PLXNC1: variants seen among roughly 807,000 people sequenced by gnomAD.
The protein encoded by PLXNC1 is plexin C1.
PLXNC1 carries 75 observed loss-of-function variants against 178.2 expected under a neutral mutation model. The ratio of observed to expected loss-of-function variants is 0.42; its 90% CI spans 0.35 to 0.51. The LOEUF (loss-of-function observed/expected upper bound fraction) is 0.51, where lower values mean the gene tolerates loss of function less well. Among genes scored for constraint, PLXNC1 ranks in the 20% least tolerant of loss-of-function variants. The probability of loss-of-function intolerance (pLI) is 0.02; values close to 1 mark genes in which losing one functional copy is unlikely to be tolerated. For missense variants in PLXNC1, 1,503 were observed against 1,984.4 expected, an observed-to-expected ratio of 0.76 and a Z score of 4.61; for synonymous variants, 790 against 779.9, an observed-to-expected ratio of 1.01 and a Z score of -0.22.
chr12:94,264,882 G>A (rs930526566), intron 20 of PLXNC1, among the ~76,000 whole-genome samples, 197 bp from the exon 21 acceptor site: 3 of 152,220 alleles, frequency 2.0e-5, no homozygotes, highest in Admixed American at 2.0e-4. Flanking sequence ...ATGTGCATTC[G>A]CGATGGAGAG....
At chr12:94,185,733 C>T (rs1962484622) in intron 3 of PLXNC1, among the ~76,000 whole-genome samples, 1 of 152,222 alleles carries the variant, frequency 6.6e-6, no homozygotes, top group African/African-American at 2.4e-5. Context: ...GGGAGGGCCT[C>T]GTCCCTGGTC....
At chr12:94,285,767 C>G (rs1204880089) in intron 23 of PLXNC1, among the ~76,000 whole-genome samples, 1 of 152,150 alleles carries the variant, frequency 6.6e-6, no homozygotes, top group African/African-American at 2.4e-5. Flanking sequence ...TGCAAGCCAG[C>G]ACCTCTCCCT....
At chr12:94,283,910 G>A (rs985706848) in intron 23 of PLXNC1, among the ~76,000 whole-genome samples, 6 of 151,982 alleles carry the variant, frequency 3.9e-5, no homozygotes, top group Non-Finnish European at 8.8e-5. Context: ...ACGGTAAAAC[G>A]CTGTCTCTAA....
intron 6 of PLXNC1, among the ~76,000 whole-genome samples, chr12:94,222,613 T>A (rs1963827818): frequency 6.6e-6 from 1 of 152,196 alleles, no homozygotes. Flanking sequence ...TCACCTAAAT[T>A]ATTTTACCTC....
intron 9 of PLXNC1, among the ~76,000 whole-genome samples, chr12:94,230,437 A>G (rs1241294374): frequency 2.0e-5 from 3 of 152,198 alleles, no homozygotes; most frequent in Non-Finnish European, 4.4e-5. Flanking sequence ...GGGTCACCAC[A>G]AGAGAAGAAG....
At chr12:94,172,862 A>G (rs1266875711) in intron 2 of PLXNC1, among the ~76,000 whole-genome samples, 1 of 152,198 alleles carries the variant, frequency 6.6e-6, no homozygotes, top group Non-Finnish European at 1.5e-5. Flanking sequence ...CTGTGAAGAA[A>G]CTAAAGGCTA....
In PLXNC1 at chr12:94,233,468, C is replaced by T. The variant is rs866557643; in HGVS notation, c.1981-4196C>T. Among the ~76,000 whole-genome samples the T allele has an allele frequency of 4.2e-4, 64 of 152,280 alleles. 1 individual carries two copies. The highest frequency in any genetic ancestry group is 1.5e-3 in the African/African-American group (62 of 41,578). On this transcript the variant is annotated intron_variant, in intron 9 of 30. Coordinates refer to ENST00000258526, the MANE Select transcript of PLXNC1 (RefSeq NM_005761.3). ...ATGCCAAGAGGAATAGCAGGTTGTT[C>T]GGAGGGTGGGCTTGGCAGCCAAGTC...
Position 94,291,901 on chromosome 12 carries a change from C to T in PLXNC1, c.3880-2585C>T, listed in dbSNP as rs575593936. 2.0e-5 allele frequency among the ~76,000 whole-genome samples: 3 copies of T among 152,244 alleles called. No individual in the cohort carries two copies. In the East Asian group the frequency reaches 5.8e-4, roughly 29 times the overall value. On this transcript the variant is annotated intron_variant, in intron 23 of 30. Transcript: ENST00000258526. ...CAACAGGAACTTTTTCAGCCCTTGCCCCAGACCCATCCCCGCTTTTGGAGT... is the reference window on the plus strand; with the variant it reads ...CAACAGGAACTTTTTCAGCCCTTGCTCCAGACCCATCCCCGCTTTTGGAGT...
At chr12:94,293,280 C>T (rs1475512631) in intron 23 of PLXNC1, among the ~76,000 whole-genome samples, 1 of 152,188 alleles carries the variant, frequency 6.6e-6, no homozygotes, top group East Asian at 1.9e-4. Context: ...AAATCGCTCC[C>T]TATCAGGATT....
chr12:94,259,315 A>G, intron 17 of PLXNC1, 22 bp from the exon 18 acceptor site: 1 of 1,562,722 alleles, frequency 6.4e-7, no homozygotes, highest in Non-Finnish European at 8.7e-7. Flanking sequence ...TATGAATAAT[A>G]AAAGTGTCTC....
At chr12:94,187,903 G>A (rs1173895820) in intron 4 of PLXNC1, among the ~76,000 whole-genome samples, 2 of 151,766 alleles carry the variant, frequency 1.3e-5, no homozygotes, top group Non-Finnish European at 2.9e-5. Context: ...AGTGTTGATT[G>A]AGGAGAGAAG....
In PLXNC1 at chr12:94,218,946, AC is replaced by A. The variant is rs544615545; in HGVS notation, c.1555-1066del. ...CATCAAGGCACGCTGTCTTAAATGA[AC>A]CCCAGATCAAAGAGAAACAGATGAA... On this transcript the variant is annotated intron_variant, in intron 5 of 30. Coordinates refer to ENST00000258526, the MANE Select transcript of PLXNC1 (RefSeq NM_005761.3). 3.3e-5 allele frequency among the ~76,000 whole-genome samples: 5 copies of A among 152,302 alleles called. No individual in the cohort carries two copies. In the South Asian group the frequency reaches 1.0e-3, roughly 32 times the overall value.
At chr12:94,264,747 A>G (rs1173889471) in intron 20 of PLXNC1, among the ~76,000 whole-genome samples, 2 of 152,218 alleles carry the variant, frequency 1.3e-5, no homozygotes, top group Non-Finnish European at 2.9e-5. Flanking sequence ...TCCACATCTA[A>G]CTGTTCCTAG....
At chr12:94,279,743 G>C (rs774190320) in intron 22 of PLXNC1, 94 bp downstream of exon 22, 4 of 1,096,156 alleles carry the variant, frequency 3.6e-6, no homozygotes, top group Admixed American at 1.9e-5. Context: ...GCCCCCACCA[G>C]CTTCCATTCA....
At chr12:94,240,288 A>T (rs1964352785) in intron 10 of PLXNC1, among the ~76,000 whole-genome samples, 197 bp from the exon 11 acceptor site, 1 of 152,226 alleles carries the variant, frequency 6.6e-6, no homozygotes, top group African/African-American at 2.4e-5. Context: ...ATAAAAATGT[A>T]CTAAAGAAAG....
At chr12:94,301,633 T>G (rs1373901596) in intron 28 of PLXNC1, among the ~76,000 whole-genome samples, 1 of 152,264 alleles carries the variant, frequency 6.6e-6, no homozygotes, top group East Asian at 1.9e-4. Context: ...CTCCAAAATA[T>G]ACTAAACTGA....
At chr12:94,293,838 C>T (rs1435031182) in intron 23 of PLXNC1, among the ~76,000 whole-genome samples, 1 of 152,092 alleles carries the variant, frequency 6.6e-6, no homozygotes, top group Non-Finnish European at 1.5e-5. Context: ...CCAGGCTGGT[C>T]TCAAAACTCC....
intron 5 of PLXNC1, among the ~76,000 whole-genome samples, chr12:94,212,378 A>G (rs1459466001): frequency 6.6e-6 from 1 of 151,948 alleles, no homozygotes; most frequent in African/African-American, 2.4e-5. Context: ...CACAACGTGC[A>G]GTTTTGTTAC....
intron 23 of PLXNC1, among the ~76,000 whole-genome samples, chr12:94,293,463 C>G (rs996484551): frequency 4.6e-5 from 7 of 152,210 alleles, no homozygotes; most frequent in African/African-American, 1.7e-4. Flanking sequence ...GTGGCTTAAA[C>G]ATTTGTTCCT....
Sources: gnomAD v4.1 joint callset for allele counts (sites outside exome capture counted in the v4.1 genomes callset) on GRCh38, gnomAD v4.1.1 for gene constraint, MANE v1.5 for transcripts, NCBI Gene and HGNC (gene_info 2026-07-23, HGNC 2026-07-21) for gene names.